Variants in CDH23 observed in about 807,000 individuals in gnomAD.
CDH23 encodes the protein cadherin-23.
CDH23 carries 189 observed loss-of-function variants against 317.1 expected under a neutral mutation model. The observed-to-expected ratio is 0.60, with a 90% CI of 0.53 to 0.67. The LOEUF (loss-of-function observed/expected upper bound fraction) is 0.67. Among genes scored for constraint, CDH23 ranks in the 30% least tolerant of loss-of-function variants. CDH23 has a pLI of 0.00. For missense variants in CDH23, 4,401 were observed against 4,592.4 expected, an observed-to-expected ratio of 0.96 and a Z score of 1.20; for synonymous variants, 1,839 against 1,876.8, an observed-to-expected ratio of 0.98 and a Z score of 0.52.
intron 15 of CDH23, 34 bp downstream of exon 15, chr10:71,675,210 C>A (rs370104659): frequency 1.9e-6 from 3 of 1,581,982 alleles, no homozygotes; most frequent in South Asian, 2.2e-5. Context: ...CAGGCCCCTC[C>A]GCAGTGGTCC....
At chr10:71,760,837 A>T in intron 38 of CDH23, 3 of 1,600,662 alleles carry the variant, frequency 1.9e-6, no homozygotes, top group Non-Finnish European at 2.6e-6. Flanking sequence ...AAAACAGAGA[A>T]CCCAAAAGGG....
intron 3 of CDH23, among the ~76,000 whole-genome samples, chr10:71,460,837 C>T (rs551822824): frequency 3.3e-5 from 5 of 152,338 alleles, no homozygotes; most frequent in African/African-American, 9.6e-5. Flanking sequence ...TCCCTTGCTC[C>T]AGGCTGCCTT....
Position 71,760,259 on chromosome 10 carries a change from A to G in CDH23, c.4846-17421A>G, listed in dbSNP as rs372701617. On this transcript the variant is annotated intron_variant, in intron 38 of 69. Coordinates refer to ENST00000224721, the MANE Select transcript of CDH23 (RefSeq NM_022124.6). ...TATACATATATATGTATGTATATAT[A>G]TGTATATACATATATATGTATGTAT... Among the ~76,000 whole-genome samples, 45 of 62,668 alleles carry G rather than the reference A, an allele frequency of 7.2e-4. 3 individuals carry two copies. Among genetic ancestry groups the G allele is most frequent in the African/African-American group, 1.3e-3 (29 of 21,686 alleles). The allele number at this position is 62,668 out of a possible 152,430, so 41.1% of individuals were successfully genotyped here.
At chr10:71,577,777 G>A (rs1858319344) in intron 8 of CDH23, 137 bp from the exon 9 acceptor site, 1 of 704,926 alleles carries the variant, frequency 1.4e-6, no homozygotes, top group African/African-American at 1.7e-5. Flanking sequence ...TGATGCCTGA[G>A]CCCTTGGCAT....
chr10:71,737,919 C>T (rs2132840339), intron 34 of CDH23: 2 of 419,784 alleles, frequency 4.8e-6, no homozygotes, highest in African/African-American at 2.0e-5. Flanking sequence ...CCCATCTGCC[C>T]TTCTACCCAC....
At chr10:71,701,417 C>T (rs192975587) in intron 22 of CDH23, among the ~76,000 whole-genome samples, 1 of 152,128 alleles carries the variant, frequency 6.6e-6, no homozygotes, top group Non-Finnish European at 1.5e-5. Flanking sequence ...TTCACCGCCC[C>T]TGGGTTAGGA....
intron 38 of CDH23, among the ~76,000 whole-genome samples, chr10:71,759,879 A>ACACATATATATACACG (rs1840265713): frequency 1.4e-5 from 1 of 70,888 alleles, no homozygotes; most frequent in Admixed American, 1.6e-4. Context: ...ATATACACAC[A>ACACATATATATACACG]CACACATATA....
At chr10:71,457,644 C>T (rs999704661) in intron 3 of CDH23, among the ~76,000 whole-genome samples, 1 of 152,214 alleles carries the variant, frequency 6.6e-6, no homozygotes, top group African/African-American at 2.4e-5. Context: ...GACCAGGCCC[C>T]GGACTGGGGC....
intron 11 of CDH23, among the ~76,000 whole-genome samples, chr10:71,630,946 T>C (rs574390695): frequency 1.2e-4 from 19 of 152,240 alleles, no homozygotes; most frequent in Admixed American, 2.6e-4. Flanking sequence ...ACCCAGATTG[T>C]ATTTAAAGCC....
At chr10:71,655,842 C>T (rs1248115481) in intron 14 of CDH23, among the ~76,000 whole-genome samples, 2 of 152,060 alleles carry the variant, frequency 1.3e-5, no homozygotes, top group Non-Finnish European at 2.9e-5. Flanking sequence ...ACAAGGCCAC[C>T]CAGCCCATCG....
At chr10:71,555,763 C>T (rs1193648173) in intron 6 of CDH23, among the ~76,000 whole-genome samples, 1 of 152,174 alleles carries the variant, frequency 6.6e-6, no homozygotes, top group Non-Finnish European at 1.5e-5. Flanking sequence ...GGGGCTGTTT[C>T]ATGCTTGGGT....
At chr10:71,704,779 G>A (rs1371423644) in intron 24 of CDH23, 132 bp from the exon 25 acceptor site, 5 of 737,304 alleles carry the variant, frequency 6.8e-6, no homozygotes, top group Admixed American at 6.5e-5. Flanking sequence ...CCTGGCCTAA[G>A]GCTTGGAGGG....
intron 3 of CDH23, among the ~76,000 whole-genome samples, chr10:71,487,390 C>T (rs771346594): frequency 1.3e-5 from 2 of 152,060 alleles, no homozygotes; most frequent in Admixed American, 6.6e-5. Context: ...CGTTCAGACC[C>T]GTGTTGTTCA....
Position 71,477,458 on chromosome 10 carries a change from C to T in CDH23, c.145+31063C>T, listed in dbSNP as rs564799331. Among the ~76,000 whole-genome samples, 3 of 152,274 alleles carry T rather than the reference C, an allele frequency of 2.0e-5. No individual in the cohort carries two copies. In the East Asian group the frequency reaches 5.8e-4, roughly 29 times the overall value. On this transcript the variant is annotated intron_variant, in intron 3 of 69. Transcript: ENST00000224721. ...TGTTAGGATTATAGGCGTGAGCCAC[C>T]GCGCCCAGCCCCAGGCTCCTCTTTG...
chr10:71,476,285 T>C (rs1228681296), intron 3 of CDH23, among the ~76,000 whole-genome samples: 2 of 152,164 alleles, frequency 1.3e-5, no homozygotes, highest in African/African-American at 2.4e-5. Flanking sequence ...TCTCCTCATC[T>C]TGAACCTGGT....
intron 48 of CDH23, among the ~76,000 whole-genome samples, chr10:71,793,863 C>T (rs2132955142): frequency 6.6e-6 from 1 of 152,318 alleles, no homozygotes; most frequent in South Asian, 2.1e-4. Flanking sequence ...CTCCTCTGGC[C>T]TTCCTGATTC....
At chr10:71,447,872 C>T (rs1850247018) in intron 3 of CDH23, among the ~76,000 whole-genome samples, 2 of 152,198 alleles carry the variant, frequency 1.3e-5, no homozygotes, top group South Asian at 4.1e-4. Flanking sequence ...TCCACCCAGA[C>T]CTGGGGTGGG....
chr10:71,766,362 C>T lies in CDH23; in HGVS notation c.4846-11318C>T, dbSNP rs545100798. Among the ~76,000 whole-genome samples the T allele has an allele frequency of 5.0e-4, 76 of 152,266 alleles. 1 individual carries two copies. Among genetic ancestry groups the T allele is most frequent in the African/African-American group, 1.7e-3 (72 of 41,548 alleles). On this transcript the variant is annotated intron_variant, in intron 38 of 69. Coordinates refer to ENST00000224721, the MANE Select transcript of CDH23 (RefSeq NM_022124.6). Reference sequence around the variant, plus strand: ...GCTGTCAAGACCCAGGCCCCCCGCCCGCCACCCGCCACCTGCCACCAGGTA... The same window carrying T: ...GCTGTCAAGACCCAGGCCCCCCGCCTGCCACCCGCCACCTGCCACCAGGTA...
rs1564779396 is a variant in CDH23 at position 71,759,938 on chromosome 10, C to CACACACACATATATAT, written c.4846-17716_4846-17701dup. Among the ~76,000 whole-genome samples, 50 of 108,350 alleles carry CACACACACATATATAT rather than the reference C, an allele frequency of 4.6e-4. 1 individual carries two copies. The highest frequency in any genetic ancestry group is 1.7e-3 in the African/African-American group (48 of 28,420). The allele number at this position is 108,350 out of a possible 152,430, so 71.1% of individuals were successfully genotyped here. On this transcript the variant is annotated intron_variant, in intron 38 of 69. Transcript: ENST00000224721. Reference sequence around the variant, plus strand: ...ACATATATACACACACACATATATACACACACACATATATATACACACACA... The same window carrying CACACACACATATATAT: ...ACATATATACACACACACATATATACACACACACATATATATACACACACATATATATACACACACA...
Sources: allele counts gnomAD v4.1 joint callset (sites outside exome capture counted in the v4.1 genomes callset), GRCh38; gene constraint gnomAD v4.1.1; transcripts MANE v1.5; gene names NCBI Gene and HGNC (gene_info 2026-07-23, HGNC 2026-07-21).